ATXN7: variants seen among roughly 807,000 people sequenced by gnomAD.
The protein encoded by ATXN7 is ataxin-7.
A neutral mutation model predicts 70.5 loss-of-function variants in ATXN7; 12 were observed. The ratio of observed to expected loss-of-function variants is 0.17; its 90% CI spans 0.11 to 0.28. The LOEUF is 0.28. ATXN7 is among the 10% of genes least tolerant of loss of function. The pLI is 1.00. For synonymous variants in ATXN7, 498 were observed against 448.7 expected (o/e 1.11, Z -1.39); for missense variants, 1,256 against 1,131.7 (o/e 1.11, Z -1.58).
intron 12 of ATXN7, among the ~76,000 whole-genome samples, chr3:63,997,272 T>C (rs545771414): frequency 6.6e-5 from 10 of 152,142 alleles, no homozygotes; most frequent in Non-Finnish European, 1.0e-4. Context: ...GAGCATTTAT[T>C]ATTTTTCCCT....
intron 5 of ATXN7, among the ~76,000 whole-genome samples, chr3:63,978,233 C>T (rs2075424546): frequency 1.3e-5 from 2 of 152,172 alleles, no homozygotes; most frequent in Non-Finnish European, 2.9e-5. Context: ...TTTAAAGCTC[C>T]TTACGTTATT....
chr3:63,950,867 A>T (rs547789724), intron 4 of ATXN7, among the ~76,000 whole-genome samples: 51 of 152,184 alleles, frequency 3.4e-4, no homozygotes, highest in Non-Finnish European at 5.9e-4. Flanking sequence ...ATACCATCAA[A>T]GATGGTCAGC....
chr3:63,885,177 ACAAT>A (rs2107232086), intron 1 of ATXN7, among the ~76,000 whole-genome samples: 1 of 152,348 alleles, frequency 6.6e-6, no homozygotes, highest in East Asian at 1.9e-4. Context: ...GAGTGAAAAG[ACAAT>A]CAACACTATG....
intron 11 of ATXN7, 97 bp downstream of exon 11, chr3:63,990,956 C>G: frequency 9.5e-6 from 15 of 1,572,962 alleles, no homozygotes; most frequent in Non-Finnish European, 1.3e-5. Context: ...ATATGCTTAT[C>G]TAAACAAAAC....
At chr3:63,968,102 A>T (rs2075256434) in intron 5 of ATXN7, 1 of 751,752 alleles carries the variant, frequency 1.3e-6, no homozygotes, top group East Asian at 2.7e-5. Flanking sequence ...GGAAGAGTTT[A>T]TGCAGGCCTT....
intron 4 of ATXN7, among the ~76,000 whole-genome samples, chr3:63,950,183 G>C (rs1156874103): frequency 6.6e-6 from 1 of 152,102 alleles, no homozygotes; most frequent in South Asian, 2.1e-4. Context: ...GGGCAAAAAA[G>C]AATAATTTTG....
chr3:63,914,939 C>T (rs1031666240), intron 4 of ATXN7, among the ~76,000 whole-genome samples: 5 of 152,212 alleles, frequency 3.3e-5, no homozygotes, highest in African/African-American at 4.8e-5. Context: ...TTTTTTGAGA[C>T]GGAGTCTCAC....
intron 1 of ATXN7, among the ~76,000 whole-genome samples, chr3:63,892,410 ACC>A (rs1491579947): frequency 2.5e-5 from 2 of 81,164 alleles, no homozygotes; most frequent in Admixed American, 1.4e-4. Flanking sequence ...ACACACACAC[ACC>A]CGCCAACTCC....
intron 1 of ATXN7, among the ~76,000 whole-genome samples, chr3:63,894,297 A>T (rs1314409022): frequency 6.6e-6 from 1 of 152,208 alleles, no homozygotes; most frequent in Non-Finnish European, 1.5e-5. Flanking sequence ...GGAATTTTAT[A>T]TGAATCTTCC....
chr3:63,878,107 G>A (rs1455451635), intron 1 of ATXN7, among the ~76,000 whole-genome samples: 1 of 152,182 alleles, frequency 6.6e-6, no homozygotes, highest in Non-Finnish European at 1.5e-5. Context: ...ATAGGAGATG[G>A]TTGGTTCTCT....
At chr3:63,937,427 C>A (rs1431513329) in intron 4 of ATXN7, among the ~76,000 whole-genome samples, 1 of 152,134 alleles carries the variant, frequency 6.6e-6, no homozygotes, top group African/African-American at 2.4e-5. Flanking sequence ...TGGAACTCAA[C>A]CCCTACTCAA....
At chr3:63,921,833 A>G (rs1263757198) in intron 4 of ATXN7, among the ~76,000 whole-genome samples, 1 of 152,180 alleles carries the variant, frequency 6.6e-6, no homozygotes, top group Non-Finnish European at 1.5e-5. Context: ...GGAGAATTAA[A>G]TGATATAATG....
At chr3:63,934,117 C>G (rs1378336946) in intron 4 of ATXN7, among the ~76,000 whole-genome samples, 3 of 152,128 alleles carry the variant, frequency 2.0e-5, no homozygotes, top group East Asian at 1.9e-4. Context: ...ACACTGTATT[C>G]GTATTGAGAA....
rs1481264518 is a variant in ATXN7, at chr3:63,969,744, A to C, written c.500-10171A>C. 2.0e-5 allele frequency among the ~76,000 whole-genome samples: 3 copies of C among 152,214 alleles called. No homozygotes were observed. In the South Asian group the frequency reaches 6.2e-4, roughly 32 times the overall value. The stretch of plus-strand genomic sequence containing the variant: ...AGTATGTTTGATGCTTGAACTACAG[A>C]TAGTATAACAAATTGGAAGGCTATC... On this transcript the variant is annotated intron_variant, in intron 5 of 12. Transcript: ENST00000674280.
chr3:63,967,694 G>A (rs2075248880), intron 5 of ATXN7: 2 of 1,109,270 alleles, frequency 1.8e-6, no homozygotes, highest in Non-Finnish European at 2.4e-6. Flanking sequence ...ATTTACACCA[G>A]CCAGGACGCC....
chr3:63,941,904 C>G (rs920384703), intron 4 of ATXN7, among the ~76,000 whole-genome samples: 8 of 152,172 alleles, frequency 5.3e-5, no homozygotes, highest in Non-Finnish European at 1.5e-5. Context: ...ATCATTGATG[C>G]TACTTTTGAT....
At chr3:63,977,519 T>G (rs1238669238) in intron 5 of ATXN7, among the ~76,000 whole-genome samples, 1 of 152,138 alleles carries the variant, frequency 6.6e-6, no homozygotes, top group East Asian at 1.9e-4. Flanking sequence ...ACAAGGTGAT[T>G]TTTGTAGATA....
At chr3:63,941,760 G>A (rs1471973991) in intron 4 of ATXN7, among the ~76,000 whole-genome samples, 1 of 152,064 alleles carries the variant, frequency 6.6e-6, no homozygotes, top group Non-Finnish European at 1.5e-5. Flanking sequence ...GGGAAATCCA[G>A]TTATCTTTAA....
At chr3:63,863,844 GC>G, upstream of ATXN7, 1 of 1,221,052 alleles carries the variant, frequency 8.2e-7, no homozygotes, top group Non-Finnish European at 1.0e-6. Context: ...GCGGCGGTTG[GC>G]GGCGGCGGAG....
Sources: gnomAD v4.1 joint callset for allele counts (sites outside exome capture counted in the v4.1 genomes callset) on GRCh38, gnomAD v4.1.1 for gene constraint, MANE v1.5 for transcripts, NCBI Gene and HGNC (gene_info 2026-07-23, HGNC 2026-07-21) for gene names.